Variants in SYN3 observed in about 807,000 individuals in gnomAD.
The protein encoded by SYN3 is synapsin-3.
In SYN3, 35 loss-of-function variants were observed where a neutral mutation model predicts 65.8. That is an observed-to-expected ratio of 0.53 (90% confidence interval 0.41 to 0.70). SYN3 has a LOEUF of 0.70. Among genes scored for constraint, SYN3 ranks in the 30% least tolerant of loss-of-function variants. SYN3 has a pLI of 0.00. For missense variants in SYN3, 680 were observed against 749.0 expected, an observed-to-expected ratio of 0.91 and a Z score of 1.08; for synonymous variants, 270 against 292.9, an observed-to-expected ratio of 0.92 and a Z score of 0.80.
chr22:32,629,226 C>T (rs992489729), intron 6 of SYN3, among the ~76,000 whole-genome samples: 2 of 152,156 alleles, frequency 1.3e-5, no homozygotes, highest in African/African-American at 2.4e-5. Flanking sequence ...ACAGAGGCTT[C>T]CCCATCCTCT....
chr22:32,926,307 G>A (rs1601709307), intron 4 of SYN3, among the ~76,000 whole-genome samples: 1 of 152,312 alleles, frequency 6.6e-6, no homozygotes, highest in East Asian at 1.9e-4. Context: ...TGTGCAAAAT[G>A]AGGGTGCTAT....
At chr22:32,556,976 A>T (rs2058512592) in intron 7 of SYN3, among the ~76,000 whole-genome samples, 1 of 151,964 alleles carries the variant, frequency 6.6e-6, no homozygotes. Context: ...TCTATACTTT[A>T]AAAAAGTCCA....
chr22:32,667,836 CGCCCAG>C (rs2060311018), intron 6 of SYN3, among the ~76,000 whole-genome samples: 2 of 132,838 alleles, frequency 1.5e-5, no homozygotes, highest in Admixed American at 1.5e-4. Context: ...GTCGCTCTGT[CGCCCAG>C]GCTGGAATGC....
At chr22:32,596,634 T>C (rs1270800069) in intron 7 of SYN3, 40 bp downstream of exon 7, 1 of 1,608,388 alleles carries the variant, frequency 6.2e-7, no homozygotes, top group Admixed American at 1.7e-5. Context: ...GGGGAATCTC[T>C]GGGTGTGTCC....
At chr22:32,979,590 T>A (rs1178010496) in intron 3 of SYN3, among the ~76,000 whole-genome samples, 1 of 152,174 alleles carries the variant, frequency 6.6e-6, no homozygotes, top group Non-Finnish European at 1.5e-5. Context: ...GCAAGGACCT[T>A]GTCTATGTTA....
At chr22:32,927,547 GC>G (rs1209001480) in intron 4 of SYN3, among the ~76,000 whole-genome samples, 1 of 151,980 alleles carries the variant, frequency 6.6e-6, no homozygotes, top group African/African-American at 2.4e-5. Context: ...ACCACACCTG[GC>G]CATGTTTACT....
intron 6 of SYN3, among the ~76,000 whole-genome samples, chr22:32,679,839 C>CTTTTCT (rs2060497665): frequency 2.6e-5 from 1 of 39,154 alleles, no homozygotes; most frequent in East Asian, 9.0e-4. Context: ...TGTTTTTTGG[C>CTTTTCT]TTTTTTTTTT....
intron 6 of SYN3, among the ~76,000 whole-genome samples, chr22:32,598,532 C>A (rs965929681): frequency 6.6e-6 from 1 of 152,168 alleles, no homozygotes; most frequent in East Asian, 1.9e-4. Context: ...TTCGCTCAGG[C>A]TGAAGTGCAG....
At chr22:32,690,950 A>C (rs1382561810) in intron 6 of SYN3, among the ~76,000 whole-genome samples, 3 of 152,192 alleles carry the variant, frequency 2.0e-5, no homozygotes, top group African/African-American at 7.2e-5. Context: ...GGTGGCAGTG[A>C]ATTTGAGCCC....
intron 11 of SYN3, among the ~76,000 whole-genome samples, chr22:32,528,259 A>G (rs1021590882): frequency 1.3e-5 from 2 of 152,208 alleles, no homozygotes; most frequent in Non-Finnish European, 2.9e-5. Flanking sequence ...CAGCCCCGTC[A>G]GTATAATAAC....
intron 6 of SYN3, among the ~76,000 whole-genome samples, chr22:32,713,451 C>G (rs1601962626): frequency 6.6e-6 from 1 of 152,206 alleles, no homozygotes; most frequent in South Asian, 2.1e-4. Flanking sequence ...TGCTGAAGAT[C>G]ATGTGGGTTC....
intron 5 of SYN3, among the ~76,000 whole-genome samples, chr22:32,867,656 C>G (rs528320375): frequency 6.6e-6 from 1 of 152,286 alleles, no homozygotes; most frequent in Non-Finnish European, 1.5e-5. Context: ...AATCTCAGCT[C>G]TCTGCAACCT....
intron 4 of SYN3, among the ~76,000 whole-genome samples, chr22:32,879,602 A>G (rs1181014542): frequency 1.3e-5 from 2 of 152,222 alleles, no homozygotes; most frequent in Non-Finnish European, 2.9e-5. Context: ...CCTCATGGCT[A>G]ATCACTTCCC....
chr22:32,534,615 A>G (rs919037379), intron 9 of SYN3, among the ~76,000 whole-genome samples: 2 of 152,220 alleles, frequency 1.3e-5, no homozygotes, highest in African/African-American at 4.8e-5. Context: ...TTGTATGTGA[A>G]GAAACTGTTC....
At chr22:32,653,349 T>A (rs752371751) in intron 6 of SYN3, among the ~76,000 whole-genome samples, 32 of 151,956 alleles carry the variant, frequency 2.1e-4, no homozygotes, top group Non-Finnish European at 3.7e-4. Flanking sequence ...ACGGCTAAAA[T>A]ATCCCTATCA....
At chr22:33,033,552 T>C (rs907719596) in intron 1 of SYN3, among the ~76,000 whole-genome samples, 1 of 152,100 alleles carries the variant, frequency 6.6e-6, no homozygotes, top group Non-Finnish European at 1.5e-5. Flanking sequence ...GACTCCCCCA[T>C]GGAATGGCCT....
chr22:32,654,064 C>T (rs753684030), intron 6 of SYN3, among the ~76,000 whole-genome samples: 1 of 152,188 alleles, frequency 6.6e-6, no homozygotes, highest in Non-Finnish European at 1.5e-5. Context: ...GGCCCAGTAC[C>T]CACACTGGGG....
At chr22:32,898,232 G>A (rs2146511652) in intron 4 of SYN3, among the ~76,000 whole-genome samples, 1 of 152,280 alleles carries the variant, frequency 6.6e-6, no homozygotes, top group Middle Eastern at 3.4e-3. Context: ...CTGACCTCAT[G>A]ATCTGCCAGC....
intron 1 of SYN3, among the ~76,000 whole-genome samples, chr22:33,028,676 G>GTGA (rs2053687061): frequency 9.9e-6 from 1 of 100,874 alleles, no homozygotes; most frequent in Non-Finnish European, 2.1e-5. Flanking sequence ...GGTGGTGGTG[G>GTGA]TGGTGGTGGT....
Sources: gnomAD v4.1 joint callset for allele counts (sites outside exome capture counted in the v4.1 genomes callset) on GRCh38, gnomAD v4.1.1 for gene constraint, MANE v1.5 for transcripts, NCBI Gene and HGNC (gene_info 2026-07-23, HGNC 2026-07-21) for gene names.